ERAP1: variants seen among roughly 807,000 people sequenced by gnomAD.
ERAP1 encodes the protein endoplasmic reticulum aminopeptidase 1.
ERAP1 carries 86 observed loss-of-function variants against 103.7 expected under a neutral mutation model. The observed-to-expected ratio is 0.83, with a 90% CI of 0.70 to 0.99. The LOEUF (loss-of-function observed/expected upper bound fraction) is 0.99. ERAP1 is among the 50% of genes least tolerant of loss of function. The probability of loss-of-function intolerance (pLI) is 0.00; values close to 1 mark genes in which losing one functional copy is unlikely to be tolerated. For missense variants in ERAP1, 1,009 were observed against 1,128.4 expected (o/e 0.89, Z 1.52); for synonymous variants, 398 against 402.4 (o/e 0.99, Z 0.13).
the ERAP1 span, chr5:96,879,672 A>C: frequency 1.1e-5 from 18 of 1,605,150 alleles, no homozygotes; most frequent in Non-Finnish European, 1.4e-5. Flanking sequence ...CTTGTCTTCT[A>C]GAGAATAGAT....
the ERAP1 span, among the ~76,000 whole-genome samples, chr5:96,926,948 C>A: frequency 6.6e-6 from 1 of 152,204 alleles, no homozygotes; most frequent in East Asian, 1.9e-4. Flanking sequence ...CCACAAGTAG[C>A]TGGGACTACA....
chr5:96,833,070 T>C, the ERAP1 span, among the ~76,000 whole-genome samples: 1 of 152,206 alleles, frequency 6.6e-6, no homozygotes, highest in African/African-American at 2.4e-5. Context: ...GCTGATGCCT[T>C]AATTTTGAAC....
chr5:96,808,062 C>G, upstream of ERAP1: 3 of 985,496 alleles, frequency 3.0e-6, no homozygotes, highest in Non-Finnish European at 3.6e-6. Flanking sequence ...GGAGTGGGGC[C>G]GAGCGAGGGA....
intron 18 of ERAP1, 63 bp from the exon 19 acceptor site, chr5:96,776,614 G>GTT: frequency 6.3e-7 from 1 of 1,583,478 alleles, no homozygotes; most frequent in Non-Finnish European, 8.6e-7. Context: ...TGTAACTTTA[G>GTT]TTAAAACTGA....
chr5:96,916,630 AT>A, the ERAP1 span, among the ~76,000 whole-genome samples: 5 of 150,178 alleles, frequency 3.3e-5, no homozygotes, highest in East Asian at 7.9e-4. Context: ...TGCCCACCTA[AT>A]TTTTTTGTAT....
At chr5:96,774,392 G>A (rs891035486), downstream of ERAP1, 5 of 444,748 alleles carry the variant, frequency 1.1e-5, no homozygotes, top group African/African-American at 8.5e-5. Flanking sequence ...TTGGGTGTTT[G>A]TTAATAACTA....
At chr5:96,878,316 C>CT in the ERAP1 span, among the ~76,000 whole-genome samples, 1 of 152,052 alleles carries the variant, frequency 6.6e-6, no homozygotes, top group African/African-American at 2.4e-5. Flanking sequence ...AAATACCTAC[C>CT]TTGACCAGCA....
chr5:96,768,044 G>GTT, intron 19 of ERAP1: 1 of 1,174,422 alleles, frequency 8.5e-7, no homozygotes, highest in Non-Finnish European at 1.3e-6. Context: ...GTGTGTGTGT[G>GTT]TATGTGTACA....
chr5:96,921,772 C>T, the ERAP1 span, among the ~76,000 whole-genome samples: 1 of 152,280 alleles, frequency 6.6e-6, no homozygotes, highest in East Asian at 1.9e-4. Flanking sequence ...TCATGCCTTC[C>T]TCTGTTGAAT....
rs939498510 is a variant in ERAP1, at chr5:96,783,119, G to C, written c.2217C>G (p.Asn739Lys). 6.2e-7 allele frequency: 1 copy of C among 1,614,204 alleles called. No individual in the cohort carries two copies. Among genetic ancestry groups the C allele is most frequent in the Non-Finnish European group, 8.5e-7 (1 of 1,180,050 alleles). ...SQLLLLACVH[N>K]YQPCVQRAEG... ...CTGCCCTCTGTACGCACGGCTGATA[G>C]TTGTGCACACAGGCGAGGAGTAGTA... is the stretch of plus-strand genomic sequence containing the variant. The change falls in exon 15 of 19, where the codon AAC (asparagine) becomes AAG (lysine). Residue 739 changes from asparagine to lysine, a missense_variant. Around this residue, in one of 3 missense-constraint regions of ERAP1, gnomAD observed 611 missense variants for 651.7 expected, o/e 0.94. Coordinates refer to ENST00000443439, the MANE Select transcript of ERAP1 (RefSeq NM_001040458.3).
At chr5:96,880,088 A>G in the ERAP1 span, 1 of 1,614,180 alleles carries the variant, frequency 6.2e-7, no homozygotes, top group Non-Finnish European at 8.5e-7. Context: ...GAAACCAGGA[A>G]AAGAACTGAA....
chr5:96,922,205 G>A, the ERAP1 span, among the ~76,000 whole-genome samples: 3 of 152,212 alleles, frequency 2.0e-5, no homozygotes, highest in African/African-American at 7.2e-5. Flanking sequence ...GGCTGAGGCA[G>A]GAGAATGGCA....
At chr5:96,917,117 C>A in the ERAP1 span, among the ~76,000 whole-genome samples, 1 of 152,008 alleles carries the variant, frequency 6.6e-6, no homozygotes, top group African/African-American at 2.4e-5. Context: ...TTTATTGTTT[C>A]TTTATTTTTG....
chr5:96,784,296 A>G (rs2150920908), intron 13 of ERAP1, among the ~76,000 whole-genome samples: 1 of 152,140 alleles, frequency 6.6e-6, no homozygotes, highest in East Asian at 1.9e-4. Flanking sequence ...GGAGTTCAAG[A>G]CCAGCCTGGC....
chr5:96,797,402 G>A (rs1404509463), intron 3 of ERAP1, 93 bp from the exon 4 acceptor site: 4 of 1,426,718 alleles, frequency 2.8e-6, no homozygotes, highest in Non-Finnish European at 3.9e-6. Flanking sequence ...AATATTAAAA[G>A]TGTATCAATC....
intron 1 of ERAP1, 96 bp downstream of exon 1, chr5:96,807,764 C>CTCCCT (rs1778816003): frequency 1.1e-6 from 1 of 882,568 alleles, no homozygotes. Context: ...GTGCCCCAGG[C>CTCCCT]CCTCAGCCCC....
chr5:96,794,746 A>C (rs1176716039), intron 5 of ERAP1, among the ~76,000 whole-genome samples: 1 of 152,328 alleles, frequency 6.6e-6, no homozygotes, highest in Non-Finnish European at 1.5e-5. Context: ...TAAAGAAAAA[A>C]TGTAGCCTCT....
chr5:96,823,069 A>G, the ERAP1 span: 1 of 456,310 alleles, frequency 2.2e-6, no homozygotes. Context: ...CTCATCTCCT[A>G]GAGGCCACCT....
chr5:96,920,435 C>A, the ERAP1 span, among the ~76,000 whole-genome samples: 1 of 152,126 alleles, frequency 6.6e-6, no homozygotes, highest in Non-Finnish European at 1.5e-5. Flanking sequence ...GCAGAACTGG[C>A]CAGAAACTAC....
Sources: gnomAD v4.1 joint callset for allele counts (sites outside exome capture counted in the v4.1 genomes callset) on GRCh38, gnomAD v4.1.1 for gene constraint, gnomAD v4.1.1 regional missense constraint, MANE v1.5 for transcripts, NCBI Gene and HGNC (gene_info 2026-07-23, HGNC 2026-07-21) for gene names.